WWP2: variants seen among roughly 807,000 people sequenced by gnomAD.
The protein encoded by WWP2 is WW domain containing E3 ubiquitin protein ligase 2.
A neutral mutation model predicts 121.0 loss-of-function variants in WWP2; 57 were observed. The observed-to-expected ratio is 0.47, with a 90% confidence interval of 0.38 to 0.59. The LOEUF (loss-of-function observed/expected upper bound fraction) is 0.59. Among genes scored for constraint, WWP2 ranks in the 20% least tolerant of loss-of-function variants. WWP2 has a pLI of 0.00. For missense variants in WWP2, 962 were observed against 1,158.9 expected, an observed-to-expected ratio of 0.83 and a Z score of 2.47; for synonymous variants, 449 against 441.3, an observed-to-expected ratio of 1.02 and a Z score of -0.22.
chr16:69,934,437 AGTG>A (rs963269105), intron 17 of WWP2, among the ~76,000 whole-genome samples: 1 of 151,348 alleles, frequency 6.6e-6, no homozygotes, highest in Non-Finnish European at 1.5e-5. Context: ...CCCTGTAGGT[AGTG>A]AAGAGTTTCC....
chr16:69,838,950 T>G, intron 4 of WWP2: 1 of 965,404 alleles, frequency 1.0e-6, no homozygotes, highest in Non-Finnish European at 1.2e-6. Flanking sequence ...TTCTGCTAAG[T>G]TCTTAAAGGG....
In WWP2 at chr16:69,939,942, C is replaced by T. The variant is rs180971731; in HGVS notation, c.*2C>T. On this transcript the variant is annotated 3_prime_UTR_variant, in exon 24 of 24. Transcript: ENST00000359154. ...ACCGAGGGCTTTGGACAGGAGTAACCGAGGCCGCCCCTCCCACGCCCCCCA... is the reference window on the plus strand; with the variant it reads ...ACCGAGGGCTTTGGACAGGAGTAACTGAGGCCGCCCCTCCCACGCCCCCCA... The T allele has an allele frequency of 2.8e-5, 45 of 1,612,132 alleles. No individual in the cohort carries two copies. Among genetic ancestry groups the T allele is most frequent in the Middle Eastern group, 1.7e-4 (1 of 6,046 alleles).
rs572479894 is a variant in WWP2, at chr16:69,856,619, C to G, written c.575+14499C>G. Among the ~76,000 whole-genome samples, 5 of 151,954 alleles carry G rather than the reference C, an allele frequency of 3.3e-5. No homozygotes were observed. The South Asian group carries it at 1.0e-3, about 32-fold the overall frequency. ...GTGAAACCACATCTCACTAAAAATA[C>G]AAAAATTAGCTGGGTGTGGTGGCAT... On this transcript the variant is annotated intron_variant, in intron 6 of 23. Coordinates refer to ENST00000359154, the MANE Select transcript of WWP2 (RefSeq NM_001270454.2).
At chr16:69,829,259 C>T (rs2056754797) in intron 4 of WWP2, among the ~76,000 whole-genome samples, 1 of 152,144 alleles carries the variant, frequency 6.6e-6, no homozygotes. Flanking sequence ...TGTTTCTGTC[C>T]TTCCTTTCCT....
rs551004082 is a variant in WWP2 at position 69,825,576 on chromosome 16, A to G, written c.341-14550A>G. On this transcript the variant is annotated intron_variant, in intron 4 of 23. Transcript: ENST00000359154. ...ACATTATTTTTTATTTTGAAAGCTA[A>G]TATTATTTATTGTAAAGACGATATG... 4.0e-5 allele frequency among the ~76,000 whole-genome samples: 6 copies of G among 150,428 alleles called. No individual in the cohort carries two copies. In the South Asian group the frequency reaches 8.4e-4, roughly 21 times the overall value.
intron 8 of WWP2, among the ~76,000 whole-genome samples, chr16:69,904,195 G>C (rs2058251553): frequency 6.6e-6 from 1 of 152,196 alleles, no homozygotes; most frequent in Admixed American, 6.5e-5. Context: ...GCAGACAGAA[G>C]GTATTTGGAG....
chr16:69,836,536 G>A (rs1222322697), intron 4 of WWP2, among the ~76,000 whole-genome samples: 2 of 152,138 alleles, frequency 1.3e-5, no homozygotes, highest in Non-Finnish European at 2.9e-5. Context: ...TAGAACAGAG[G>A]AGGGTTATGT....
chr16:69,859,324 G>A (rs2057374603), intron 6 of WWP2, among the ~76,000 whole-genome samples: 1 of 152,118 alleles, frequency 6.6e-6, no homozygotes, highest in African/African-American at 2.4e-5. Flanking sequence ...AGGCTGAGGT[G>A]GGCAGATGGC....
intron 10 of WWP2, among the ~76,000 whole-genome samples, chr16:69,921,524 A>G (rs2058561361): frequency 6.6e-6 from 1 of 152,160 alleles, no homozygotes; most frequent in Non-Finnish European, 1.5e-5. Context: ...CACCTTCTCC[A>G]GTTCCTCTAA....
Position 69,930,177 on chromosome 16 carries a change from C to T in WWP2, c.1364C>T (p.Thr455Ile). 1 of 1,614,008 alleles carries T rather than the reference C, an allele frequency of 6.2e-7. No individual in the cohort carries two copies. Among genetic ancestry groups the T allele is most frequent in the Non-Finnish European group, 8.5e-7 (1 of 1,179,948 alleles). ...CCCCCAGGATGGGAGATGAAATACA[C>T]CAGCGAGGGGGTGCGATACTTTGTG... ...ALPPGWEMKY[T>I]SEGVRYFVDH... Residue 455 changes from threonine (T) to isoleucine (I), a missense_variant, in exon 13 of 24, where the codon ACC (threonine) becomes ATC (isoleucine). Thr to Ile is a moderately conservative substitution (Grantham distance 89). Transcript: ENST00000359154.
intron 4 of WWP2, among the ~76,000 whole-genome samples, chr16:69,814,944 A>G (rs1374214214): frequency 1.3e-5 from 2 of 152,214 alleles, no homozygotes; most frequent in Non-Finnish European, 2.9e-5. Flanking sequence ...GTTGCTCTTC[A>G]GTTAAAAACA....
chr16:69,769,455 A>T (rs998001119), intron 1 of WWP2, among the ~76,000 whole-genome samples: 2 of 152,182 alleles, frequency 1.3e-5, no homozygotes, highest in East Asian at 1.9e-4. Flanking sequence ...AAAATTTTTT[A>T]AAACAAGAAA....
chr16:69,906,344 T>C (rs2151958439), intron 8 of WWP2, among the ~76,000 whole-genome samples: 1 of 152,270 alleles, frequency 6.6e-6, no homozygotes, highest in South Asian at 2.1e-4. Flanking sequence ...AGTGCTGGGA[T>C]TACAGGTGTC....
intron 1 of WWP2, among the ~76,000 whole-genome samples, chr16:69,784,041 C>T (rs2055724763): frequency 6.8e-6 from 1 of 147,336 alleles, no homozygotes; most frequent in Non-Finnish European, 1.5e-5. Flanking sequence ...CTCCCAGACT[C>T]TTTTAGGGTT....
chr16:69,788,085 AG>A (rs2055829812), intron 2 of WWP2: 1 of 152,278 alleles, frequency 6.6e-6, no homozygotes, highest in African/African-American at 2.4e-5. Flanking sequence ...AACTGGGGCC[AG>A]GTGTGGTGAC....
At chr16:69,791,267 G>A (rs2055904898) in intron 2 of WWP2, among the ~76,000 whole-genome samples, 1 of 147,564 alleles carries the variant, frequency 6.8e-6, no homozygotes, top group South Asian at 2.1e-4. Context: ...TCGCTCTATC[G>A]CCGAGGCTGG....
At chr16:69,778,261 AT>A (rs201541459) in intron 1 of WWP2, among the ~76,000 whole-genome samples, 5,497 of 146,718 alleles carry the variant, frequency 0.037, 133 homozygotes, top group Non-Finnish European at 0.053. Flanking sequence ...TGACTTTCCC[AT>A]CCCCCTCCCA....
intron 21 of WWP2, 51 bp from the exon 22 acceptor site, chr16:69,938,976 G>C (rs1410748673): frequency 6.5e-7 from 1 of 1,537,096 alleles, no homozygotes; most frequent in South Asian, 1.2e-5. Flanking sequence ...TTCGGGCAAA[G>C]TACTGGGCCC....
chr16:69,925,561 C>T lies in WWP2; in HGVS notation c.1234+77C>T. The T allele has an allele frequency of 6.4e-7, 1 of 1,553,010 alleles. No individual in the cohort carries two copies. Among genetic ancestry groups the T allele is most frequent in the Non-Finnish European group, 8.8e-7 (1 of 1,139,436 alleles). On this transcript the variant is annotated intron_variant, in intron 11 of 23. Transcript: ENST00000359154. This position sits in a 1 kb window ranked among gnomAD's most constrained non-coding sequence, Gnocchi z 4.0. ...TCTGTCCTCTCCTCCCGCGTGTCTT[C>T]CTTCCCTGTTCCTGTCCCTCTGTTT...
Sources: allele counts gnomAD v4.1 joint callset (sites outside exome capture counted in the v4.1 genomes callset), GRCh38; gene constraint gnomAD v4.1.1; non-coding constraint Gnocchi (gnomAD v3.1); transcripts MANE v1.5; gene names NCBI Gene and HGNC (gene_info 2026-07-23, HGNC 2026-07-21).